DMD: variants seen among roughly 807,000 people sequenced by gnomAD.
DMD encodes mutant dystrophin.
A neutral mutation model predicts 330.1 loss-of-function variants in DMD; 63 were observed. That is an observed-to-expected ratio of 0.19 (90% CI 0.16 to 0.24). The LOEUF (loss-of-function observed/expected upper bound fraction) is 0.24, where lower values mean the gene tolerates loss of function less well. Among genes scored for constraint, DMD ranks in the 10% least tolerant of loss-of-function variants. The probability of loss-of-function intolerance (pLI) is 1.00; values close to 1 mark genes in which losing one functional copy is unlikely to be tolerated. For synonymous variants in DMD, 1,223 were observed against 959.8 expected (o/e 1.27, Z -5.07); for missense variants, 3,344 against 2,684.1 (o/e 1.25, Z -5.43).
intron 1 of DMD, among the ~76,000 whole-genome samples, chrX:33,281,539 A>T (rs772692590): frequency 9.0e-6 from 1 of 111,372 alleles, no homozygotes; most frequent in Non-Finnish European, 1.9e-5. Context: ...TTGTCAGATA[A>T]TTTCAACATC....
At chrX:32,820,980 G>C (rs1411714463) in intron 5 of DMD, among the ~76,000 whole-genome samples, 1 of 111,074 alleles carries the variant, frequency 9.0e-6, no homozygotes. Flanking sequence ...AAGCAGTTTG[G>C]GGAGAGATGC....
In DMD at chrX:32,233,642, TATTTATTG is replaced by T. The variant is rs1315276182; in HGVS notation, c.6291-16587_6291-16580del. Among the ~76,000 whole-genome samples, 99 of 101,728 alleles carry T rather than the reference TATTTATTG, an allele frequency of 9.7e-4. 1 individual carries two copies. Among genetic ancestry groups the T allele is most frequent in the African/African-American group, 3.2e-3 (87 of 27,088 alleles). The allele number at this position is 101,728 out of a possible 115,157, so 88.3% of individuals were successfully genotyped here. A position where few individuals can be genotyped will look rare whatever the true frequency, so the allele number is the denominator to read the frequency against. ...TTATTTATTTATTTATTTATTTATTTATTTATTGAGACGGAGCTTCGCTCTTGTTGCCC... is the reference window on the plus strand; with the variant it reads ...TTATTTATTTATTTATTTATTTATTTAGACGGAGCTTCGCTCTTGTTGCCC... On this transcript the variant is annotated intron_variant, in intron 43 of 78. Coordinates refer to ENST00000357033, the MANE Select transcript of DMD (RefSeq NM_004006.3).
intron 50 of DMD, among the ~76,000 whole-genome samples, chrX:31,793,262 A>AT (rs957511883): frequency 1.8e-5 from 2 of 110,703 alleles, no homozygotes; most frequent in Non-Finnish European, 3.8e-5. Flanking sequence ...AAACTGGGAT[A>AT]TAAGTTCCCA....
intron 50 of DMD, among the ~76,000 whole-genome samples, chrX:31,811,393 C>T (rs1414416088): frequency 8.9e-6 from 1 of 111,982 alleles, no homozygotes; most frequent in East Asian, 2.8e-4. Context: ...GCTGGGGCCT[C>T]ACCAGCCAGG....
At position 32,686,578 on chromosome X, in the gene DMD, A is replaced by G. The variant is rs12836471; in HGVS notation, c.960+11292T>C. 2.8e-3 allele frequency among the ~76,000 whole-genome samples: 295 copies of G among 105,601 alleles called. 2 individuals are homozygous for G. The highest frequency in any genetic ancestry group is 4.1e-3 in the African/African-American group (118 of 28,577). 91.7% of individuals were successfully genotyped at this position (105,601 alleles called of 115,157 possible). ...CCATCTCAAAAAAAAAAAAAAAAAA[A>G]AAAAGAAAAGAAAAGAAAAGAAAGA... On this transcript the variant is annotated intron_variant, in intron 9 of 78. Coordinates refer to ENST00000357033, the MANE Select transcript of DMD (RefSeq NM_004006.3).
At chrX:31,539,909 C>T (rs1362263811) in intron 55 of DMD, among the ~76,000 whole-genome samples, 1 of 111,375 alleles carries the variant, frequency 9.0e-6, no homozygotes, top group Non-Finnish European at 1.9e-5. Flanking sequence ...AGAAGTGAGG[C>T]ACTGAACAAT....
chrX:31,753,631 T>G (rs185997205), intron 51 of DMD, among the ~76,000 whole-genome samples: 101 of 112,119 alleles, frequency 9.0e-4, no homozygotes, highest in Non-Finnish European at 1.6e-3. Context: ...CTAATTCTCC[T>G]GACATGAACC....
At chrX:32,040,304 C>G (rs1309450473) in intron 44 of DMD, among the ~76,000 whole-genome samples, 2 of 111,407 alleles carry the variant, frequency 1.8e-5, no homozygotes, top group East Asian at 5.7e-4. Flanking sequence ...ATTTTAAACT[C>G]AAAAGAGAAC....
intron 16 of DMD, among the ~76,000 whole-genome samples, chrX:32,556,646 A>C (rs2050338858): frequency 8.9e-6 from 1 of 111,846 alleles, no homozygotes; most frequent in African/African-American, 3.2e-5. Context: ...AACGAGTCAA[A>C]CTTCTTTTCT....
chrX:32,785,973 C>T (rs2075318067), intron 7 of DMD, among the ~76,000 whole-genome samples: 1 of 110,229 alleles, frequency 9.1e-6, no homozygotes, highest in Non-Finnish European at 1.9e-5. Flanking sequence ...TGTCTCTTTT[C>T]AGAGTCCCTT....
chrX:32,511,130 A>G (rs1182214069), intron 18 of DMD, among the ~76,000 whole-genome samples: 2 of 110,304 alleles, frequency 1.8e-5, no homozygotes, highest in Non-Finnish European at 3.8e-5. Context: ...ATTTGGACTA[A>G]TATTACCATA....
chrX:31,561,754 A>G lies in DMD; in HGVS notation c.8218-54301T>C, dbSNP rs184848713. ...AGCCCATGTTTCTTTGTAAAACACA[A>G]CATATTAAAACAACAGTATTTGGAG... On this transcript the variant is annotated intron_variant, in intron 55 of 78. Coordinates refer to ENST00000357033, the MANE Select transcript of DMD (RefSeq NM_004006.3). 2.2e-4 allele frequency among the ~76,000 whole-genome samples: 25 copies of G among 112,577 alleles called. No individual in the cohort carries two copies. The East Asian group carries it at 5.9e-3, about 26-fold the overall frequency.
chrX:32,308,247 C>A (rs1207748292), intron 42 of DMD, among the ~76,000 whole-genome samples: 1 of 110,813 alleles, frequency 9.0e-6, no homozygotes, highest in Non-Finnish European at 1.9e-5. Context: ...TTGTGTTGTA[C>A]TGCACTTTCA....
chrX:31,270,479 C>T (rs2051544273), intron 62 of DMD, among the ~76,000 whole-genome samples: 1 of 111,811 alleles, frequency 8.9e-6, no homozygotes, highest in South Asian at 3.8e-4. Flanking sequence ...GAGCTTCTGG[C>T]CTTTTGAGGG....
intron 44 of DMD, among the ~76,000 whole-genome samples, chrX:32,093,863 C>A (rs764881548): frequency 1.8e-3 from 193 of 110,219 alleles, no homozygotes; most frequent in Non-Finnish European, 2.9e-3. Flanking sequence ...TCAGATAGTT[C>A]AACTCTGTAT....
At chrX:31,356,201 A>G (rs770374054) in intron 60 of DMD, among the ~76,000 whole-genome samples, 1 of 111,847 alleles carries the variant, frequency 8.9e-6, no homozygotes, top group African/African-American at 3.2e-5. Flanking sequence ...ATAATTCTTA[A>G]TAGATTTTGT....
chrX:32,287,436 C>CT lies in DMD; in HGVS notation c.6290+92dup, dbSNP rs72468610. ...GAGAGTGATACTTCTTTTTCCCTGTCTTTTTTCCATGGAGGGTACTGAAAT... is the reference window on the plus strand; with the variant it reads ...GAGAGTGATACTTCTTTTTCCCTGTCTTTTTTTCCATGGAGGGTACTGAAAT... On this transcript the variant is annotated intron_variant, in intron 43 of 78. Transcript: ENST00000357033. 6.4e-3 allele frequency: 5,700 copies of CT among 894,665 alleles called. 24 individuals carry two copies. Among genetic ancestry groups the CT allele is most frequent in the Middle Eastern group, 9.6e-3 (33 of 3,439 alleles). 73.7% of individuals were successfully genotyped at this position (894,665 alleles called of 1,213,427 possible).
chrX:32,465,782 C>T (rs1418538106), intron 23 of DMD, among the ~76,000 whole-genome samples: 11 of 109,638 alleles, frequency 1.0e-4, no homozygotes, highest in Admixed American at 5.9e-4. Flanking sequence ...GACAGGGTTT[C>T]GCCATGTTGG....
At chrX:31,276,164 C>A (rs2052097799) in intron 62 of DMD, among the ~76,000 whole-genome samples, 1 of 111,858 alleles carries the variant, frequency 8.9e-6, no homozygotes, top group Admixed American at 9.4e-5. Flanking sequence ...TCAAGCAATT[C>A]TCGTGCCTCA....
Sources: allele counts gnomAD v4.1 joint callset (sites outside exome capture counted in the v4.1 genomes callset), GRCh38; gene constraint gnomAD v4.1.1; transcripts MANE v1.5; gene names NCBI Gene and HGNC (gene_info 2026-07-23, HGNC 2026-07-21).